Variants in CWC27 observed in about 807,000 individuals in gnomAD.
CWC27 encodes spliceosome-associated protein CWC27 homolog.
A neutral mutation model predicts 63.6 loss-of-function variants in CWC27; 47 were observed. That is an observed-to-expected ratio of 0.74 (90% confidence interval 0.58 to 0.94). CWC27 has a LOEUF of 0.94. CWC27 is among the 40% of genes least tolerant of loss of function. CWC27 has a pLI of 0.00. For synonymous variants in CWC27, 175 were observed against 179.8 expected, an observed-to-expected ratio of 0.97 and a Z score of 0.22; for missense variants, 495 against 554.3, an observed-to-expected ratio of 0.89 and a Z score of 1.07.
chr5:64,824,677 T>A (rs540852896), intron 10 of CWC27, among the ~76,000 whole-genome samples: 1 of 151,718 alleles, frequency 6.6e-6, no homozygotes, highest in Non-Finnish European at 1.5e-5. Flanking sequence ...TGGGTTTTTT[T>A]TTTTTTTCCT....
At chr5:65,012,365 A>T (rs1193802276) in intron 13 of CWC27, among the ~76,000 whole-genome samples, 1 of 152,118 alleles carries the variant, frequency 6.6e-6, no homozygotes, top group African/African-American at 2.4e-5. Context: ...CCCCCACCAC[A>T]TTCAGTTATT....
chr5:64,850,644 A>G (rs59814781), intron 10 of CWC27, among the ~76,000 whole-genome samples: 4,183 of 152,308 alleles, frequency 0.027, 200 homozygotes, highest in African/African-American at 0.095. Context: ...CGGGAAAAAA[A>G]TATTTGCAAG....
At chr5:64,877,264 C>A (rs1473150642) in intron 10 of CWC27, among the ~76,000 whole-genome samples, 1 of 151,892 alleles carries the variant, frequency 6.6e-6, no homozygotes, top group Non-Finnish European at 1.5e-5. Context: ...TTTGCAGCAA[C>A]GTGGAAGGAA....
intron 11 of CWC27, among the ~76,000 whole-genome samples, chr5:64,958,397 A>T (rs746680885): frequency 6.6e-6 from 1 of 152,112 alleles, no homozygotes; most frequent in Non-Finnish European, 1.5e-5. Flanking sequence ...TCCAAACCTC[A>T]GTTTTTTTAT....
intron 11 of CWC27, among the ~76,000 whole-genome samples, chr5:64,907,076 A>G (rs1216009403): frequency 1.3e-5 from 2 of 152,084 alleles, no homozygotes; most frequent in Non-Finnish European, 2.9e-5. Context: ...GTAGCCTTGT[A>G]GTATAGTTTG....
chr5:64,967,442 G>C (rs1345525486), intron 11 of CWC27, among the ~76,000 whole-genome samples: 2 of 151,828 alleles, frequency 1.3e-5, no homozygotes, highest in African/African-American at 4.8e-5. Flanking sequence ...AAATTTATAT[G>C]GAAAGGCAAA....
intron 10 of CWC27, among the ~76,000 whole-genome samples, chr5:64,864,670 A>C (rs1478903516): frequency 2.0e-5 from 3 of 152,134 alleles, no homozygotes; most frequent in African/African-American, 4.8e-5. Context: ...TTTTTACTTA[A>C]GTTGTTTTTA....
chr5:64,784,405 C>T (rs1304819519), intron 4 of CWC27, among the ~76,000 whole-genome samples: 5 of 152,158 alleles, frequency 3.3e-5, no homozygotes, highest in Admixed American at 6.5e-5. Flanking sequence ...GTAAATATTA[C>T]TTTGAATAGT....
chr5:64,921,984 C>T (rs530922609), intron 11 of CWC27, among the ~76,000 whole-genome samples: 1 of 152,122 alleles, frequency 6.6e-6, no homozygotes, highest in Admixed American at 6.5e-5. Flanking sequence ...GAAAATAGGC[C>T]CCCAGTCACT....
intron 7 of CWC27, among the ~76,000 whole-genome samples, chr5:64,799,323 C>T (rs1744395775): frequency 6.6e-6 from 1 of 152,156 alleles, no homozygotes; most frequent in Admixed American, 6.5e-5. Flanking sequence ...CACAGTGGCT[C>T]ATGCCTGTAA....
At chr5:64,954,925 G>A (rs1748778050) in intron 11 of CWC27, among the ~76,000 whole-genome samples, 1 of 151,816 alleles carries the variant, frequency 6.6e-6, no homozygotes, top group African/African-American at 2.4e-5. Flanking sequence ...TGCTACATTT[G>A]AACATCCAAA....
chr5:64,978,605 GT>G (rs35721397), intron 13 of CWC27, among the ~76,000 whole-genome samples: 104,058 of 130,292 alleles, frequency 0.8, 41,196 homozygotes, highest in South Asian at 0.87. Context: ...GGGTTTTTGG[GT>G]TTTTTTTTTT....
chr5:64,788,222 A>G (rs1017531118), intron 6 of CWC27, among the ~76,000 whole-genome samples: 2 of 152,000 alleles, frequency 1.3e-5, no homozygotes, highest in East Asian at 1.9e-4. Flanking sequence ...TTAACAATAA[A>G]CTCTAAAGTC....
chr5:64,988,653 T>C (rs370969951), intron 13 of CWC27, among the ~76,000 whole-genome samples: 65 of 151,374 alleles, frequency 4.3e-4, no homozygotes, highest in African/African-American at 1.5e-3. Context: ...GCCCAGGCTG[T>C]AGTGCAATGG....
At chr5:64,955,306 G>A (rs1346180604) in intron 11 of CWC27, among the ~76,000 whole-genome samples, 1 of 152,092 alleles carries the variant, frequency 6.6e-6, no homozygotes, top group Non-Finnish European at 1.5e-5. Context: ...AAATATTATA[G>A]TTTCTACTTT....
intron 7 of CWC27, among the ~76,000 whole-genome samples, chr5:64,795,850 A>C (rs1238403171): frequency 6.6e-6 from 1 of 152,066 alleles, no homozygotes; most frequent in East Asian, 1.9e-4. Flanking sequence ...TGTCTAAACT[A>C]ACTTTATATA....
intron 11 of CWC27, among the ~76,000 whole-genome samples, chr5:64,919,784 C>T (rs1031454481): frequency 1.3e-5 from 2 of 152,174 alleles, no homozygotes; most frequent in African/African-American, 2.4e-5. Context: ...GATTCCATGT[C>T]CTTGTCTGTT....
At chr5:64,896,495 G>A (rs2112357899) in intron 11 of CWC27, among the ~76,000 whole-genome samples, 1 of 152,226 alleles carries the variant, frequency 6.6e-6, no homozygotes, top group Non-Finnish European at 1.5e-5. Context: ...TTGGTGAGCA[G>A]GTAAAGGGTG....
chr5:64,914,182 A>G (rs2112382297), intron 11 of CWC27, among the ~76,000 whole-genome samples: 1 of 152,306 alleles, frequency 6.6e-6, no homozygotes, highest in South Asian at 2.1e-4. Flanking sequence ...CTGTTGATCT[A>G]CATGTGAATG....
Sources: gnomAD v4.1 joint callset for allele counts (sites outside exome capture counted in the v4.1 genomes callset) on GRCh38, gnomAD v4.1.1 for gene constraint, MANE v1.5 for transcripts, NCBI Gene and HGNC (gene_info 2026-07-23, HGNC 2026-07-21) for gene names.